The following GALNT18 variants were observed in gnomAD, a reference collection of about 807,000 sequenced individuals.
GALNT18 encodes the protein GalNAc-transferase 18.
In GALNT18, 44 loss-of-function variants were observed where a neutral mutation model predicts 69.5. That is an observed-to-expected ratio of 0.63 (90% CI 0.50 to 0.81). The LOEUF (loss-of-function observed/expected upper bound fraction) is 0.81, where lower values mean the gene tolerates loss of function less well. Ranked by LOEUF, GALNT18 falls within the 40% of genes least tolerant of loss-of-function variation. The pLI, the probability that GALNT18 is intolerant of heterozygous loss-of-function variation, is 0.00. For missense variants in GALNT18, 715 were observed against 810.0 expected (o/e 0.88, Z 1.42); for synonymous variants, 364 against 318.2 (o/e 1.14, Z -1.53).
In GALNT18 at chr11:11,432,411, G is replaced by A. The variant is rs568594044; in HGVS notation, c.595+210C>T. On this transcript the variant is annotated intron_variant, in intron 3 of 10. Coordinates refer to ENST00000227756, the MANE Select transcript of GALNT18 (RefSeq NM_198516.3). The surrounding 1 kb of genome is among the most constrained non-coding windows in gnomAD (Gnocchi z 5.8). Reference sequence around the variant, plus strand: ...GGAGAGTAGCCAGCCAGGAGAAAAAGCCTAAGGACCAGACCCCTCTGGGAT... The same window carrying A: ...GGAGAGTAGCCAGCCAGGAGAAAAAACCTAAGGACCAGACCCCTCTGGGAT... Among the ~76,000 whole-genome samples, 14 of 152,326 alleles carry A rather than the reference G, an allele frequency of 9.2e-5. No individual in the cohort carries two copies. Among genetic ancestry groups the A allele is most frequent in the Admixed American group, 7.2e-4 (11 of 15,304 alleles).
intron 1 of GALNT18, among the ~76,000 whole-genome samples, chr11:11,483,617 G>A (rs1266108144): frequency 6.6e-6 from 1 of 152,156 alleles, no homozygotes; most frequent in Non-Finnish European, 1.5e-5. Flanking sequence ...GCTAAGGCCT[G>A]AGGAGGGTTC....
At chr11:11,370,367 A>C (rs78516575) in intron 6 of GALNT18, among the ~76,000 whole-genome samples, 14,333 of 152,286 alleles carry the variant, frequency 0.094, 856 homozygotes, top group South Asian at 0.15. Flanking sequence ...CACGAAAGAA[A>C]GACAAATACT....
intron 10 of GALNT18, among the ~76,000 whole-genome samples, chr11:11,285,600 C>T (rs186737658): frequency 6.6e-6 from 1 of 152,148 alleles, no homozygotes; most frequent in East Asian, 1.9e-4. Context: ...TTTGTCAGTC[C>T]CTCAAAACTG....
chr11:11,558,605 T>C (rs1179757710), intron 1 of GALNT18, among the ~76,000 whole-genome samples: 1 of 152,198 alleles, frequency 6.6e-6, no homozygotes, highest in Admixed American at 6.5e-5. Context: ...GCATCAGGGA[T>C]GGAAAGTCCA....
At chr11:11,333,848 G>A (rs1030529371) in intron 7 of GALNT18, among the ~76,000 whole-genome samples, 2 of 152,070 alleles carry the variant, frequency 1.3e-5, no homozygotes, top group African/African-American at 2.4e-5. Flanking sequence ...CTGCATACCC[G>A]CTGTTGAATG....
chr11:11,363,088 G>A lies in GALNT18; in HGVS notation c.1092+9427C>T, dbSNP rs990138791. 4.6e-5 allele frequency among the ~76,000 whole-genome samples: 7 copies of A among 152,148 alleles called. No homozygotes were observed. In the South Asian group the frequency reaches 6.2e-4, roughly 14 times the overall value. Reference sequence around the variant, plus strand: ...CATTTATCTAAGAAAGGGGACCTGCGAATATATATTCACATTTTCTTGCCT... The same window carrying A: ...CATTTATCTAAGAAAGGGGACCTGCAAATATATATTCACATTTTCTTGCCT... On this transcript the variant is annotated intron_variant, in intron 6 of 10. Transcript: ENST00000227756.
At chr11:11,446,905 A>G (rs546464932) in intron 2 of GALNT18, among the ~76,000 whole-genome samples, 1 of 152,100 alleles carries the variant, frequency 6.6e-6, no homozygotes, top group Non-Finnish European at 1.5e-5. Flanking sequence ...ATCACCCAGG[A>G]GCTCTAAACA....
In GALNT18 at chr11:11,309,718, C is replaced by T. The variant is rs1159688749; in HGVS notation, c.1513-16525G>A. Among the ~76,000 whole-genome samples the T allele has an allele frequency of 2.6e-5, 4 of 152,152 alleles. No individual in the cohort carries two copies. Among genetic ancestry groups the T allele is most frequent in the African/African-American group, 9.7e-5 (4 of 41,436 alleles). On this transcript the variant is annotated intron_variant, in intron 9 of 10. Transcript: ENST00000227756. The surrounding 1 kb of genome is among the most constrained non-coding windows in gnomAD (Gnocchi z 4.6). Reference sequence around the variant, plus strand: ...CTAGTATTACTTCTTTGGGTACCTGCTCAGCAGCTGAGCCACTTTCACTCT... The same window carrying T: ...CTAGTATTACTTCTTTGGGTACCTGTTCAGCAGCTGAGCCACTTTCACTCT...
In GALNT18 at chr11:11,543,684, C is replaced by G. The variant is rs1453778758; in HGVS notation, c.235+77675G>C. ...CCACCCACTGACCTGATGCGAATCC[C>G]ATCCATCCCTAGGACCTAGGCTTTT... On this transcript the variant is annotated intron_variant, in intron 1 of 10. Transcript: ENST00000227756. This position sits in a 1 kb window ranked among gnomAD's most constrained non-coding sequence, Gnocchi z 5.1. Among the ~76,000 whole-genome samples the G allele has an allele frequency of 6.6e-6, 1 of 152,230 alleles. No homozygotes were observed. Among genetic ancestry groups the G allele is most frequent in the Non-Finnish European group, 1.5e-5 (1 of 68,044 alleles).
chr11:11,417,543 G>C (rs1277938223), intron 3 of GALNT18, among the ~76,000 whole-genome samples: 1 of 152,210 alleles, frequency 6.6e-6, no homozygotes, highest in Non-Finnish European at 1.5e-5. Context: ...AAGCATAAAA[G>C]TGTGAATCTC....
In GALNT18 at chr11:11,563,292, C is replaced by T. The variant is rs1858561025; in HGVS notation, c.235+58067G>A. On this transcript the variant is annotated intron_variant, in intron 1 of 10. Coordinates refer to ENST00000227756, the MANE Select transcript of GALNT18 (RefSeq NM_198516.3). This position sits in a 1 kb window ranked among gnomAD's most constrained non-coding sequence, Gnocchi z 4.6. ...TGTTCTCATAGGGCAATTTCAGCTCCATCTGCAGTCTTTTCTTTCCGGAAG... is the reference window on the plus strand; with the variant it reads ...TGTTCTCATAGGGCAATTTCAGCTCTATCTGCAGTCTTTTCTTTCCGGAAG... 6.6e-6 allele frequency among the ~76,000 whole-genome samples: 1 copy of T among 152,180 alleles called. No homozygotes were observed.
chr11:11,393,343 C>T lies in GALNT18; in HGVS notation c.596-14079G>A, dbSNP rs143416901. Among the ~76,000 whole-genome samples the T allele has an allele frequency of 3.9e-5, 6 of 152,318 alleles. No homozygotes were observed. In the East Asian group the frequency reaches 1.2e-3, roughly 29 times the overall value. ...AAGTGGGCTGAGAGTTTACTAACTG[C>T]TTGAGTCTGGTTAGGCTGCTGCTAG... On this transcript the variant is annotated intron_variant, in intron 3 of 10. Transcript: ENST00000227756.
intron 1 of GALNT18, among the ~76,000 whole-genome samples, chr11:11,452,265 C>A (rs941721446): frequency 4.6e-5 from 7 of 152,224 alleles, no homozygotes; most frequent in African/African-American, 1.7e-4. Context: ...CCAGCTCTAC[C>A]ATTTGCCAGT....
At chr11:11,317,149 G>C (rs1242613628) in intron 9 of GALNT18, among the ~76,000 whole-genome samples, 1 of 152,128 alleles carries the variant, frequency 6.6e-6, no homozygotes, top group Non-Finnish European at 1.5e-5. Flanking sequence ...TAATCAATTA[G>C]CATGGTTCTC....
chr11:11,358,169 T>G (rs1057300518), intron 6 of GALNT18, among the ~76,000 whole-genome samples: 2 of 101,348 alleles, frequency 2.0e-5, no homozygotes, highest in Admixed American at 9.5e-5. Context: ...TACCTCAAAG[T>G]TTTTTCTTTC....
At position 11,436,000 on chromosome 11, in the gene GALNT18, G is replaced by A. The variant is rs2133800605; in HGVS notation, c.429-3213C>T. Among the ~76,000 whole-genome samples the A allele has an allele frequency of 6.6e-6, 1 of 152,338 alleles. No homozygotes were observed. The highest frequency in any genetic ancestry group is 1.5e-5 in the Non-Finnish European group (1 of 68,034). ...CTGGCGACAGCCATGCTGCCGCTGT[G>A]GCCTCTCTCTCGGCATCAGGAGACA... is the stretch of plus-strand genomic sequence containing the variant. On this transcript the variant is annotated intron_variant, in intron 2 of 10. Coordinates refer to ENST00000227756, the MANE Select transcript of GALNT18 (RefSeq NM_198516.3). The surrounding 1 kb of genome is among the most constrained non-coding windows in gnomAD (Gnocchi z 4.4).
chr11:11,551,744 G>A (rs1020525992), intron 1 of GALNT18, among the ~76,000 whole-genome samples: 2 of 152,214 alleles, frequency 1.3e-5, no homozygotes, highest in Admixed American at 1.3e-4. Flanking sequence ...CAACATGGCT[G>A]TTTATTTCAC....
At chr11:11,288,747 T>C (rs1410492367) in intron 10 of GALNT18, among the ~76,000 whole-genome samples, 3 of 152,332 alleles carry the variant, frequency 2.0e-5, no homozygotes, top group East Asian at 3.9e-4. Context: ...GCCTGAAGTA[T>C]TGGAAATTCA....
At chr11:11,285,040 C>G (rs565035283) in intron 10 of GALNT18, among the ~76,000 whole-genome samples, 55 of 150,322 alleles carry the variant, frequency 3.7e-4, no homozygotes, top group Non-Finnish European at 1.5e-4. Context: ...ACAGGAACAT[C>G]AAGTGCAAAG....
Sources: gnomAD v4.1 joint callset for allele counts (sites outside exome capture counted in the v4.1 genomes callset) on GRCh38, gnomAD v4.1.1 for gene constraint, Gnocchi (gnomAD v3.1) non-coding constraint, MANE v1.5 for transcripts, NCBI Gene and HGNC (gene_info 2026-07-23, HGNC 2026-07-21) for gene names.